The following ABCC2 variants were observed in gnomAD, a reference collection of about 807,000 sequenced individuals.
ABCC2 encodes the protein ATP-binding cassette sub-family C member 2.
In ABCC2, 157 loss-of-function variants were observed where a neutral mutation model predicts 173.4. The ratio of observed to expected loss-of-function variants is 0.91; its 90% CI spans 0.80 to 1.03. ABCC2 has a LOEUF of 1.03. ABCC2 is among the 50% of genes least tolerant of loss of function. ABCC2 has a pLI of 0.00. For missense variants in ABCC2, 1,822 were observed against 1,852.3 expected, an observed-to-expected ratio of 0.98 and a Z score of 0.30; for synonymous variants, 657 against 693.5, an observed-to-expected ratio of 0.95 and a Z score of 0.83.
In ABCC2 at chr10:99,792,268, T is replaced by C; in HGVS notation, c.242T>C (p.Ile81Thr). The C allele has an allele frequency of 6.2e-7, 1 of 1,614,158 alleles. No individual in the cohort carries two copies. The highest frequency in any genetic ancestry group is 8.5e-7 in the Non-Finnish European group (1 of 1,179,986). The change falls in exon 3 of 32, where the codon ATA (isoleucine) becomes ACA (threonine). Residue 81 changes from isoleucine (I) to threonine (T), a missense_variant. Coordinates refer to ENST00000647814, the MANE Select transcript of ABCC2 (RefSeq NM_000392.5). ...GGTTTTCTTCTTATTCTAGCAGCCATAGAGCTGGCCCTTGTACTCACAGAA... is the reference window on the plus strand; with the variant it reads ...GGTTTTCTTCTTATTCTAGCAGCCACAGAGCTGGCCCTTGTACTCACAGAA... Reference protein sequence around the residue: ...FVGFLLILAAIELALVLTEDS... With the variant: ...FVGFLLILAATELALVLTEDS...
At chr10:99,799,395 C>T (rs1183027854) in intron 8 of ABCC2, 25 bp downstream of exon 8, 2 of 1,613,498 alleles carry the variant, frequency 1.2e-6, no homozygotes, top group Non-Finnish European at 1.7e-6. Context: ...CTCAGATGGT[C>T]CTTTCAGGGC....
intron 23 of ABCC2, among the ~76,000 whole-genome samples, chr10:99,833,717 T>A (rs774522537): frequency 2.0e-5 from 3 of 152,204 alleles, no homozygotes; most frequent in Non-Finnish European, 4.4e-5. Flanking sequence ...TGGAAGACCA[T>A]TATCCCTGAT....
At position 99,811,684 on chromosome 10, in the gene ABCC2, T is replaced by G. The variant is rs576801596; in HGVS notation, c.1967+82T>G. On this transcript the variant is annotated intron_variant, in intron 15 of 31. Coordinates refer to ENST00000647814, the MANE Select transcript of ABCC2 (RefSeq NM_000392.5). ...TCTCAGAAAATTCCATGTAATAGAATGCATGGGGAAATGAGCTATGTGCAT... is the reference window on the plus strand; with the variant it reads ...TCTCAGAAAATTCCATGTAATAGAAGGCATGGGGAAATGAGCTATGTGCAT... 28 of 1,472,848 alleles carry G rather than the reference T, an allele frequency of 1.9e-5. No individual in the cohort carries two copies. In the African/African-American group the frequency reaches 3.5e-4, roughly 18 times the overall value. 91.2% of individuals were successfully genotyped at this position (1,472,848 alleles called of 1,614,324 possible).
chr10:99,808,712 G>T (rs999285636), intron 13 of ABCC2, among the ~76,000 whole-genome samples: 7 of 152,172 alleles, frequency 4.6e-5, no homozygotes, highest in African/African-American at 1.7e-4. Context: ...ACCTTGGATG[G>T]ACCAGAGGGA....
intron 16 of ABCC2, among the ~76,000 whole-genome samples, chr10:99,816,208 C>T (rs973622495): frequency 7.2e-5 from 11 of 152,018 alleles, no homozygotes; most frequent in African/African-American, 2.4e-4. Context: ...CCTCGTAATC[C>T]ACCTGCCTCA....
chr10:99,808,356 C>G, intron 13 of ABCC2, 127 bp downstream of exon 13: 1 of 1,269,632 alleles, frequency 7.9e-7, no homozygotes, highest in Non-Finnish European at 1.1e-6. Flanking sequence ...TCTGTTTGGT[C>G]TCTGGAGACC....
chr10:99,816,038 G>A (rs1209072093), intron 16 of ABCC2, among the ~76,000 whole-genome samples: 1 of 145,076 alleles, frequency 6.9e-6, no homozygotes, highest in Non-Finnish European at 1.5e-5. Flanking sequence ...GCGTGATCTC[G>A]GCTCACTGCA....
intron 16 of ABCC2, among the ~76,000 whole-genome samples, chr10:99,814,971 CTT>C (rs201601175): frequency 2.1e-4 from 30 of 142,800 alleles, no homozygotes; most frequent in African/African-American, 1.8e-4. Flanking sequence ...GCCCCACTAA[CTT>C]TTTTTTTTTT....
intron 12 of ABCC2, among the ~76,000 whole-genome samples, chr10:99,807,757 T>C (rs1486572442): frequency 2.0e-5 from 3 of 152,242 alleles, no homozygotes; most frequent in African/African-American, 7.2e-5. Context: ...CTTTTCAGGA[T>C]GCACAGCAAG....
intron 30 of ABCC2, among the ~76,000 whole-genome samples, chr10:99,847,693 G>T (rs933534118): frequency 2.6e-5 from 4 of 151,968 alleles, no homozygotes; most frequent in Non-Finnish European, 5.9e-5. Flanking sequence ...GGCTGAGGCC[G>T]GTGGATCACG....
At chr10:99,832,560 GAGA>G (rs1484171234) in intron 23 of ABCC2, among the ~76,000 whole-genome samples, 1 of 152,222 alleles carries the variant, frequency 6.6e-6, no homozygotes, top group Non-Finnish European at 1.5e-5. Flanking sequence ...AGAGCAGGGT[GAGA>G]AGGATTATTC....
At chr10:99,839,268 G>A (rs9733831) in intron 25 of ABCC2, among the ~76,000 whole-genome samples, 253 of 115,528 alleles carry the variant, frequency 2.2e-3, no homozygotes, top group African/African-American at 7.6e-3. Flanking sequence ...CGGACGGGGC[G>A]GCTGGCCGGG....
intron 7 of ABCC2, chr10:99,798,199 G>A (rs1291547057): frequency 6.6e-6 from 1 of 152,414 alleles, no homozygotes; most frequent in Non-Finnish European, 1.5e-5. Flanking sequence ...CCAGAGGATG[G>A]ATCGTTGTGG....
chr10:99,812,586 A>C (rs4148394), intron 15 of ABCC2, among the ~76,000 whole-genome samples: 40,570 of 152,102 alleles, frequency 0.27, 5,652 homozygotes, highest in East Asian at 0.38. Context: ...GTCCAATCCC[A>C]TTAGTAAGAA....
chr10:99,850,470 G>A (rs2039072348), intron 30 of ABCC2, 132 bp from the exon 31 acceptor site: 4 of 881,516 alleles, frequency 4.5e-6, no homozygotes, highest in South Asian at 4.3e-5. Context: ...AGTTGAAGAG[G>A]CCCAAACATT....
Position 99,836,150 on chromosome 10 carries a change from A to G in ABCC2, c.3474A>G (p.Pro1158=). The G allele has an allele frequency of 6.2e-7, 1 of 1,614,192 alleles. No individual in the cohort carries two copies. The highest frequency in any genetic ancestry group is 8.5e-7 in the Non-Finnish European group (1 of 1,180,038). The change falls in exon 25 of 32, where the codon CCA becomes CCG. Residue 1158 remains proline (P), a synonymous_variant. Transcript: ENST00000647814. ...GTCTGGACTCTGTCACCAGGTCCCC[A>G]ATCTACTCTCACTTCAGCGAGACCG... is the stretch of plus-strand genomic sequence containing the variant. ...LRRLDSVTRS[P]IYSHFSETVS...
chr10:99,832,334 C>T (rs1230429508), intron 23 of ABCC2, among the ~76,000 whole-genome samples: 2 of 152,166 alleles, frequency 1.3e-5, no homozygotes, highest in Non-Finnish European at 2.9e-5. Context: ...CTTCAAGTAG[C>T]TCAGCATCTA....
chr10:99,831,210 C>T lies in ABCC2; in HGVS notation c.2883+359C>T, dbSNP rs190360570. On this transcript the variant is annotated intron_variant, in intron 21 of 31. Transcript: ENST00000647814. Reference sequence around the variant, plus strand: ...GTAGAACCCCATCATCTGTTCCACTCTGATTTTTTGTTTGTGTGTTTATTT... The same window carrying T: ...GTAGAACCCCATCATCTGTTCCACTTTGATTTTTTGTTTGTGTGTTTATTT... Among the ~76,000 whole-genome samples the T allele has an allele frequency of 4.1e-3, 622 of 152,224 alleles. 3 individuals are homozygous for T. The highest frequency in any genetic ancestry group is 0.01 in the Middle Eastern group (3 of 294).
At chr10:99,796,740 A>T (rs989638332) in intron 6 of ABCC2, among the ~76,000 whole-genome samples, 2 of 152,104 alleles carry the variant, frequency 1.3e-5, no homozygotes, top group African/African-American at 4.8e-5. Flanking sequence ...CACACCAAAA[A>T]CAAAGATGCC....
Sources: gnomAD v4.1 joint callset for allele counts (sites outside exome capture counted in the v4.1 genomes callset) on GRCh38, gnomAD v4.1.1 for gene constraint, MANE v1.5 for transcripts, NCBI Gene and HGNC (gene_info 2026-07-23, HGNC 2026-07-21) for gene names.